CD276: variants seen among roughly 807,000 people sequenced by gnomAD.
CD276 encodes the protein CD276 antigen.
Under a neutral mutation model 50.0 loss-of-function variants are expected in CD276, and 34 were observed. That is an observed-to-expected ratio of 0.68 (90% CI 0.52 to 0.91). The LOEUF (loss-of-function observed/expected upper bound fraction) is 0.91. Ranked by LOEUF, CD276 falls within the 40% of genes least tolerant of loss-of-function variation. The pLI, the probability that CD276 is intolerant of heterozygous loss-of-function variation, is 0.00. For missense variants in CD276, 634 were observed against 717.5 expected (o/e 0.88, Z 1.33); for synonymous variants, 275 against 313.0 (o/e 0.88, Z 1.28).
At position 73,714,216 on chromosome 15, in the gene CD276, C is replaced by T. The variant is rs1369592742; in HGVS notation, c.*1260C>T. 4.9e-6 allele frequency: 1 copy of T among 205,508 alleles called. No homozygotes were observed. The highest frequency in any genetic ancestry group is 9.6e-6 in the Non-Finnish European group (1 of 104,164). The allele number at this position is 205,508 out of a possible 1,614,324, so 12.7% of individuals were successfully genotyped here. On this transcript the variant is annotated 3_prime_UTR_variant, in exon 10 of 10. Coordinates refer to ENST00000318443, the MANE Select transcript of CD276 (RefSeq NM_001024736.2). Reference sequence around the variant, plus strand: ...AGGCCCTCTGGACCTTTCATAGCAGCAGAAAAGGCAGAGCCTGGGGCAGGG... The same window carrying T: ...AGGCCCTCTGGACCTTTCATAGCAGTAGAAAAGGCAGAGCCTGGGGCAGGG...
At chr15:73,694,409 C>A (rs1239767492) in intron 1 of CD276, among the ~76,000 whole-genome samples, 1 of 152,150 alleles carries the variant, frequency 6.6e-6, no homozygotes, top group Non-Finnish European at 1.5e-5. Context: ...TGGCAATGCT[C>A]ATCGGGTACG....
intron 6 of CD276, among the ~76,000 whole-genome samples, chr15:73,707,306 G>A (rs1334593686): frequency 6.6e-6 from 1 of 152,204 alleles, no homozygotes; most frequent in Non-Finnish European, 1.5e-5. Flanking sequence ...CTTCTCCCTA[G>A]GACCCAGCTG....
chr15:73,709,041 G>A (rs1465012426), intron 7 of CD276, among the ~76,000 whole-genome samples: 1 of 152,182 alleles, frequency 6.6e-6, no homozygotes, highest in Non-Finnish European at 1.5e-5. Context: ...GTAGTCAGAG[G>A]CTGGGGATGG....
intron 1 of CD276, among the ~76,000 whole-genome samples, chr15:73,695,468 T>A (rs1005685337): frequency 2.6e-5 from 4 of 152,062 alleles, no homozygotes; most frequent in Admixed American, 2.6e-4. Flanking sequence ...CCTGACCATA[T>A]CATAAATAGT....
At chr15:73,694,195 G>A (rs1180642901) in intron 1 of CD276, among the ~76,000 whole-genome samples, 1 of 152,098 alleles carries the variant, frequency 6.6e-6, no homozygotes, top group East Asian at 1.9e-4. Flanking sequence ...GTCCATGTTT[G>A]CCCATTGCTC....
At chr15:73,709,961 G>A (rs751261017) in intron 8 of CD276, among the ~76,000 whole-genome samples, 3 of 152,132 alleles carry the variant, frequency 2.0e-5, no homozygotes, top group South Asian at 2.1e-4. Context: ...GCCCCACACC[G>A]TGGAGTCTGG....
chr15:73,711,187 T>C lies in CD276; in HGVS notation c.1582+17T>C, dbSNP rs1283178537. 6.2e-7 allele frequency: 1 copy of C among 1,613,512 alleles called. No homozygotes were observed. ...GCAAAGAAGGTAAAGACACCTGGGC[T>C]TGAGGTTGTGTCTGTGTATGCACAC... is the stretch of plus-strand genomic sequence containing the variant. On this transcript the variant is annotated intron_variant, in intron 9 of 9. Coordinates refer to ENST00000318443, the MANE Select transcript of CD276 (RefSeq NM_001024736.2).
chr15:73,702,109 G>C (rs1446241001), intron 2 of CD276, 146 bp from the exon 3 acceptor site: 1 of 649,814 alleles, frequency 1.5e-6, no homozygotes, highest in East Asian at 2.8e-5. Flanking sequence ...GACTGAATGA[G>C]GTCCTAAGAC....
rs563018234 is a variant in CD276, at chr15:73,713,400, G to C, written c.*444G>C. 2 of 254,614 alleles carry C rather than the reference G, an allele frequency of 7.9e-6. No homozygotes were observed. Among genetic ancestry groups the C allele is most frequent in the South Asian group, 8.6e-5 (2 of 23,380 alleles). The allele number at this position is 254,614 out of a possible 1,614,324, so 15.8% of individuals were successfully genotyped here. On this transcript the variant is annotated 3_prime_UTR_variant, in exon 10 of 10. Coordinates refer to ENST00000318443, the MANE Select transcript of CD276 (RefSeq NM_001024736.2). The stretch of plus-strand genomic sequence containing the variant: ...CACGATGCATAGTCACCCCGGCCTT[G>C]TTTCTCCAATGGCCGTGATACACTA...
At chr15:73,694,245 C>T (rs1034570407) in intron 1 of CD276, among the ~76,000 whole-genome samples, 4 of 152,222 alleles carry the variant, frequency 2.6e-5, no homozygotes, top group Admixed American at 2.6e-4. Context: ...GCCCCTCCCT[C>T]AATACAAACA....
Position 73,689,193 on chromosome 15 carries a change from TG to T in CD276, c.-55+4734del, listed in dbSNP as rs1567012303. ...TTTTCAGGGCTCTGTGCCTCCTGTG[TG>T]TGTGTGTGTGTGTGTGTGTGTGTGT... On this transcript the variant is annotated intron_variant, in intron 1 of 9. Coordinates refer to ENST00000318443, the MANE Select transcript of CD276 (RefSeq NM_001024736.2). Among the ~76,000 whole-genome samples the T allele has an allele frequency of 2.4e-3, 305 of 128,792 alleles. 2 individuals carry two copies. The highest frequency in any genetic ancestry group is 2.0e-3 in the African/African-American group (68 of 33,646). The allele number at this position is 128,792 out of a possible 152,430, so 84.5% of individuals were successfully genotyped here.
In CD276 at chr15:73,713,953, C is replaced by T; in HGVS notation, c.*997C>T. 1 of 367,478 alleles carries T rather than the reference C, an allele frequency of 2.7e-6. No homozygotes were observed. The highest frequency in any genetic ancestry group is 5.1e-6 in the Non-Finnish European group (1 of 194,542). The allele number at this position is 367,478 out of a possible 1,614,324, so 22.8% of individuals were successfully genotyped here. On this transcript the variant is annotated 3_prime_UTR_variant, in exon 10 of 10. Transcript: ENST00000318443. ...ACTCCCCATCCAGCTGGGAGACAGACAACTAACTACACTGCACCCTGCGGT... is the reference window on the plus strand; with the variant it reads ...ACTCCCCATCCAGCTGGGAGACAGATAACTAACTACACTGCACCCTGCGGT...
chr15:73,707,745 G>A (rs1282175077), intron 6 of CD276, among the ~76,000 whole-genome samples: 2 of 152,076 alleles, frequency 1.3e-5, no homozygotes, highest in Admixed American at 6.5e-5. Context: ...ACAAAAACAG[G>A]CCACAAGCCA....
At chr15:73,706,404 T>G (rs1402207608) in intron 6 of CD276, among the ~76,000 whole-genome samples, 1 of 152,196 alleles carries the variant, frequency 6.6e-6, no homozygotes, top group Non-Finnish European at 1.5e-5. Flanking sequence ...GGTCAGACCC[T>G]TCTTTGAAAA....
intron 4 of CD276, among the ~76,000 whole-genome samples, chr15:73,703,450 A>G (rs970461905): frequency 1.3e-5 from 2 of 152,260 alleles, no homozygotes; most frequent in East Asian, 1.9e-4. Flanking sequence ...TGGTCAGGCC[A>G]AGACCCACCT....
chr15:73,698,131 C>A (rs1900244703), intron 1 of CD276, among the ~76,000 whole-genome samples: 1 of 152,166 alleles, frequency 6.6e-6, no homozygotes, highest in African/African-American at 2.4e-5. Flanking sequence ...CAGCTCAGGC[C>A]TGACCTGCAG....
intron 1 of CD276, among the ~76,000 whole-genome samples, chr15:73,690,498 T>C (rs1899944387): frequency 6.6e-6 from 1 of 152,226 alleles, no homozygotes; most frequent in African/African-American, 2.4e-5. Context: ...TTCTGGAGAC[T>C]GGGAAGTCCA....
chr15:73,684,460 G>T lies in CD276; in HGVS notation c.-55G>T. 6.6e-6 allele frequency: 1 copy of T among 152,526 alleles called. No individual in the cohort carries two copies. Among genetic ancestry groups the T allele is most frequent in the South Asian group, 2.0e-4 (1 of 5,022 alleles). The allele number at this position is 152,526 out of a possible 1,614,324, so 9.4% of individuals were successfully genotyped here. Reference sequence around the variant, plus strand: ...CTGAGTCCCAGAGTCGGCGCGGCGCGGTGAGTGCTGGCGTGGCGCGGGCGG... The same window carrying T: ...CTGAGTCCCAGAGTCGGCGCGGCGCTGTGAGTGCTGGCGTGGCGCGGGCGG... On this transcript the variant is annotated splice_region_variant and 5_prime_UTR_variant, in exon 1 of 10. Transcript: ENST00000318443.
intron 9 of CD276, 34 bp from the exon 10 acceptor site, chr15:73,712,900 C>T (rs1900965611): frequency 3.1e-6 from 5 of 1,611,256 alleles, no homozygotes; most frequent in Admixed American, 3.3e-5. Context: ...ATGCTTTTCC[C>T]TTCCCTTTTT....
Sources: allele counts gnomAD v4.1 joint callset (sites outside exome capture counted in the v4.1 genomes callset), GRCh38; gene constraint gnomAD v4.1.1; transcripts MANE v1.5; gene names NCBI Gene and HGNC (gene_info 2026-07-23, HGNC 2026-07-21).